The following PTPN12 variants were observed in gnomAD, a reference collection of about 807,000 sequenced individuals.
PTPN12 encodes tyrosine-protein phosphatase non-receptor type 12.
In PTPN12, 29 loss-of-function variants were observed where a neutral mutation model predicts 97.6. The ratio of observed to expected loss-of-function variants is 0.30; its 90% CI spans 0.22 to 0.41. The LOEUF is 0.41. Ranked by LOEUF, PTPN12 falls within the 10% of genes least tolerant of loss-of-function variation. The probability of loss-of-function intolerance (pLI) is 1.00; values close to 1 mark genes in which losing one functional copy is unlikely to be tolerated. For synonymous variants in PTPN12, 327 were observed against 300.4 expected, an observed-to-expected ratio of 1.09 and a Z score of -0.91; for missense variants, 819 against 926.0, an observed-to-expected ratio of 0.88 and a Z score of 1.50.
intron 12 of PTPN12, 84 bp downstream of exon 12, chr7:77,618,649 C>G: frequency 1.1e-6 from 1 of 920,298 alleles, no homozygotes; most frequent in Non-Finnish European, 1.7e-6. Context: ...CTGAATATTT[C>G]TAAATTACTT....
chr7:77,612,295 A>G (rs1490888644), intron 11 of PTPN12, among the ~76,000 whole-genome samples: 9 of 152,190 alleles, frequency 5.9e-5, no homozygotes, highest in Non-Finnish European at 1.2e-4. Context: ...TTTATGTGAC[A>G]TCGTTCTTAT....
intron 5 of PTPN12, among the ~76,000 whole-genome samples, chr7:77,588,260 C>T (rs920776179): frequency 1.3e-5 from 2 of 152,060 alleles, no homozygotes; most frequent in Non-Finnish European, 2.9e-5. Context: ...AAGTTTGTGA[C>T]CCTTTTCACT....
intron 9 of PTPN12, among the ~76,000 whole-genome samples, chr7:77,609,801 A>C (rs1443129625): frequency 6.6e-6 from 1 of 151,836 alleles, no homozygotes. Context: ...GAATGGCGTG[A>C]ACCCGGGAGG....
chr7:77,604,104 G>A lies in PTPN12; in HGVS notation c.696-3131G>A, dbSNP rs573205721. 2.7e-5 allele frequency among the ~76,000 whole-genome samples: 4 copies of A among 150,570 alleles called. 1 individual carries two copies. Among genetic ancestry groups the A allele is most frequent in the African/African-American group, 9.8e-5 (4 of 40,992 alleles). On this transcript the variant is annotated intron_variant, in intron 8 of 17. Transcript: ENST00000248594. ...GGGGTTTCACTATGTTGGCCAGACT[G>A]GTCTTGAACTCCTGACCTCATGATC...
chr7:77,555,100 T>A (rs192398355), intron 1 of PTPN12, among the ~76,000 whole-genome samples: 2 of 152,322 alleles, frequency 1.3e-5, no homozygotes, highest in East Asian at 3.8e-4. Context: ...TGATATTTTG[T>A]CACTCTCTTC....
intron 6 of PTPN12, 83 bp from the exon 7 acceptor site, chr7:77,597,759 T>C: frequency 2.7e-6 from 4 of 1,472,570 alleles, no homozygotes; most frequent in Non-Finnish European, 3.6e-6. Context: ...TATTGTGGAC[T>C]TTGATACAAG....
chr7:77,635,714 A>T (rs892688166), intron 14 of PTPN12, 68 bp from the exon 15 acceptor site: 5 of 973,162 alleles, frequency 5.1e-6, no homozygotes, highest in African/African-American at 1.7e-5. Context: ...TGTTTTTTGT[A>T]TTACTTTAAT....
chr7:77,635,679 G>A (rs749550287), intron 14 of PTPN12, 103 bp from the exon 15 acceptor site: 3 of 623,330 alleles, frequency 4.8e-6, no homozygotes, highest in Non-Finnish European at 7.4e-6. Flanking sequence ...TTGTGGAAGC[G>A]ATAGTTTCTA....
Position 77,581,488 on chromosome 7 carries a change from T to C in PTPN12, c.270T>C (p.Asn90=). 2 of 1,591,138 alleles carry C rather than the reference T, an allele frequency of 1.3e-6. No homozygotes were observed. The highest frequency in any genetic ancestry group is 1.7e-6 in the Non-Finnish European group (2 of 1,162,510). ...CTTCACAAGATTCAGACTATATCAA[T>C]GCAAATTTTATAAAGGTATGTACTA... is the stretch of plus-strand genomic sequence containing the variant. ...KTPSQDSDYI[N]ANFIKGVYGP... is the part of the protein sequence containing the mutation. Residue 90 remains asparagine (N), a synonymous_variant, in exon 3 of 18, where the codon AAT becomes AAC. Coordinates refer to ENST00000248594, the MANE Select transcript of PTPN12 (RefSeq NM_002835.4).
chr7:77,627,696 A>C (rs1431527394), intron 13 of PTPN12, 21 bp downstream of exon 13: 8 of 1,520,316 alleles, frequency 5.3e-6, no homozygotes, highest in Non-Finnish European at 7.0e-6. Context: ...AGTGTCAAAT[A>C]CTTAAATGTC....
intron 1 of PTPN12, among the ~76,000 whole-genome samples, chr7:77,558,475 A>G (rs1023764482): frequency 6.6e-6 from 1 of 152,236 alleles, no homozygotes; most frequent in Non-Finnish European, 1.5e-5. Flanking sequence ...GAAACAACCT[A>G]AAATAGCTAT....
At chr7:77,607,962 C>T (rs1788432016) in intron 9 of PTPN12, among the ~76,000 whole-genome samples, 1 of 152,140 alleles carries the variant, frequency 6.6e-6, no homozygotes, top group South Asian at 2.1e-4. Context: ...ACCATGTTGG[C>T]CAGGCTGGTC....
At chr7:77,559,199 T>C (rs758113445) in intron 1 of PTPN12, among the ~76,000 whole-genome samples, 17 of 152,230 alleles carry the variant, frequency 1.1e-4, no homozygotes, top group Admixed American at 3.9e-4. Flanking sequence ...TCACAACTTA[T>C]TTCTGCAGGA....
chr7:77,580,427 G>A lies in PTPN12; in HGVS notation c.209-1000G>A, dbSNP rs188098875. Among the ~76,000 whole-genome samples, 1,345 of 152,276 alleles carry A rather than the reference G, an allele frequency of 8.8e-3. 20 individuals are homozygous for A. The highest frequency in any genetic ancestry group is 0.024 in the Middle Eastern group (7 of 294). On this transcript the variant is annotated intron_variant, in intron 2 of 17. Transcript: ENST00000248594. ...AACTGAAAAGTAATGATACAGAACAGCATGTATAGGATGCTTGCATTTGTG... is the reference window on the plus strand; with the variant it reads ...AACTGAAAAGTAATGATACAGAACAACATGTATAGGATGCTTGCATTTGTG...
chr7:77,559,173 C>T (rs971752306), intron 1 of PTPN12, among the ~76,000 whole-genome samples: 5 of 152,204 alleles, frequency 3.3e-5, no homozygotes, highest in Admixed American at 2.6e-4. Context: ...TTGTGGACAA[C>T]GTTTCACACA....
chr7:77,587,686 C>A (rs57394986), intron 5 of PTPN12, among the ~76,000 whole-genome samples: 17,564 of 152,146 alleles, frequency 0.12, 2,017 homozygotes, highest in East Asian at 0.59. Flanking sequence ...ACGTTGACTT[C>A]TTTTCTCTAG....
intron 1 of PTPN12, among the ~76,000 whole-genome samples, chr7:77,564,517 TAA>T (rs1448113526): frequency 1.3e-5 from 2 of 152,116 alleles, no homozygotes; most frequent in Non-Finnish European, 2.9e-5. Context: ...AATTCTCCAG[TAA>T]TTGCCTCAGA....
At chr7:77,600,169 A>T (rs1352201444) in intron 7 of PTPN12, among the ~76,000 whole-genome samples, 2 of 152,174 alleles carry the variant, frequency 1.3e-5, no homozygotes, top group Admixed American at 6.5e-5. Flanking sequence ...GCATTGGACA[A>T]ATTCATCTCT....
chr7:77,586,233 C>A (rs543664231), intron 5 of PTPN12, among the ~76,000 whole-genome samples: 1 of 152,210 alleles, frequency 6.6e-6, no homozygotes, highest in Non-Finnish European at 1.5e-5. Context: ...GGATTATAGA[C>A]GTGAGCCACT....
Sources: gnomAD v4.1 joint callset for allele counts (sites outside exome capture counted in the v4.1 genomes callset) on GRCh38, gnomAD v4.1.1 for gene constraint, MANE v1.5 for transcripts, NCBI Gene and HGNC (gene_info 2026-07-23, HGNC 2026-07-21) for gene names.